The following ASB15 variants were observed in gnomAD, a reference collection of about 807,000 sequenced individuals.
ASB15 encodes the protein ankyrin repeat and SOCS box containing 15, also known as ankyrin repeat and SOCS box protein 15.
In ASB15, 54 loss-of-function variants were observed where a neutral mutation model predicts 58.0. That is an observed-to-expected ratio of 0.93 (90% CI 0.75 to 1.17). ASB15 has a LOEUF of 1.17. Among genes scored for constraint, ASB15 ranks in the 50% most tolerant of loss-of-function variants. The probability of loss-of-function intolerance (pLI) is 0.00; values close to 1 mark genes in which losing one functional copy is unlikely to be tolerated. For missense variants in ASB15, 680 were observed against 707.4 expected (o/e 0.96, Z 0.44); for synonymous variants, 249 against 262.4 (o/e 0.95, Z 0.50).
intron 4 of ASB15, 146 bp downstream of exon 4, chr7:123,614,755 C>T: frequency 1.5e-6 from 1 of 657,836 alleles, no homozygotes. Context: ...TTCCAAGGGC[C>T]ACTGTTCATA....
intron 2 of ASB15, among the ~76,000 whole-genome samples, chr7:123,605,148 T>G (rs961741543): frequency 1.3e-5 from 2 of 152,218 alleles, no homozygotes; most frequent in Admixed American, 6.5e-5. Flanking sequence ...AAATACATTA[T>G]GCCAGGAATG....
rs1801639977 is a variant in ASB15 at position 123,624,580 on chromosome 7, G to T, written c.463G>T (p.Gly155Cys). 1.9e-6 allele frequency: 3 copies of T among 1,612,284 alleles called. No homozygotes were observed. In the South Asian group the frequency reaches 3.3e-5, roughly 18 times the overall value. Residue 155 changes from glycine (G) to cysteine (C), a missense_variant, in exon 8 of 12, where the codon GGC becomes TGC. By Grantham distance (159) the Gly-to-Cys change is radical (BLOSUM62 -3). Coordinates refer to ENST00000451215, the MANE Select transcript of ASB15 (RefSeq NM_001290258.2). The stretch of plus-strand genomic sequence containing the variant: ...CAATCATTTTCAAGCTGTGAAAAAG[G>T]GCTCCTATGACATGGTGTCGACTCT... Reference protein sequence around the residue: ...ETPLLIAVKKGSYDMVSTLIK... With the variant: ...ETPLLIAVKKCSYDMVSTLIK...
intron 1 of ASB15, among the ~76,000 whole-genome samples, chr7:123,588,597 G>T (rs1457368272): frequency 6.1e-5 from 7 of 114,136 alleles, no homozygotes; most frequent in East Asian, 4.9e-4. Flanking sequence ...CTTCCTTTCT[G>T]TCTTTTTTCT....
In ASB15 at chr7:123,627,217, G is replaced by A. The variant is rs201696803; in HGVS notation, c.805G>A (p.Gly269Arg). The A allele has an allele frequency of 1.3e-4, 207 of 1,613,864 alleles. No individual in the cohort carries two copies. The highest frequency in any genetic ancestry group is 4.9e-4 in the Middle Eastern group (3 of 6,084). The change falls in exon 9 of 12, where the codon GGA becomes AGA. Residue 269 changes from glycine (G) to arginine (R), a missense_variant. By Grantham distance (125) the Gly-to-Arg change is moderately radical. Coordinates refer to ENST00000451215, the MANE Select transcript of ASB15 (RefSeq NM_001290258.2). The part of the protein sequence containing the change: ...ISLLLEYGGS[G>R]NVPNRAGHLP... Reference sequence around the variant, plus strand: ...CCTCCTGCTGGAATATGGAGGAAGCGGAAATGTACCTAACCGAGCAGGACA... The same window carrying A: ...CCTCCTGCTGGAATATGGAGGAAGCAGAAATGTACCTAACCGAGCAGGACA...
At chr7:123,618,096 G>A (rs1800945965) in intron 7 of ASB15, among the ~76,000 whole-genome samples, 1 of 152,224 alleles carries the variant, frequency 6.6e-6, no homozygotes, top group Non-Finnish European at 1.5e-5. Flanking sequence ...GGTGGAAAGG[G>A]ATTCCAAAGG....
intron 1 of ASB15, among the ~76,000 whole-genome samples, chr7:123,588,950 C>T (rs1474353553): frequency 6.6e-6 from 1 of 151,646 alleles, no homozygotes; most frequent in Admixed American, 6.6e-5. Flanking sequence ...TGAATTCAAT[C>T]TAGTTAAATT....
rs78550048 is a variant in ASB15, at chr7:123,633,614, AGTGT to A, written c.1595-3179_1595-3176del. Among the ~76,000 whole-genome samples, 9 of 150,606 alleles carry A rather than the reference AGTGT, an allele frequency of 6.0e-5. 1 individual carries two copies. Among genetic ancestry groups the A allele is most frequent in the South Asian group, 4.2e-4 (2 of 4,782 alleles). ...ATCTGTGTGCATGTGGATTATGCTGAGTGTGTGTGTGTGTGTGTGCACGCGCGCG... is the reference window on the plus strand; with the variant it reads ...ATCTGTGTGCATGTGGATTATGCTGAGTGTGTGTGTGTGTGCACGCGCGCG... On this transcript the variant is annotated intron_variant, in intron 11 of 11. Coordinates refer to ENST00000451215, the MANE Select transcript of ASB15 (RefSeq NM_001290258.2).
rs573157322 is a variant in ASB15 at position 123,629,827 on chromosome 7, A to C, written c.1441-139A>C. ...TTTCACAGAGAGAAGCAAACAATTT[A>C]TTTTTAATTTTTGTTCATTACAAGG... On this transcript the variant is annotated intron_variant, in intron 10 of 11. Coordinates refer to ENST00000451215, the MANE Select transcript of ASB15 (RefSeq NM_001290258.2). 1.7e-4 allele frequency: 116 copies of C among 672,484 alleles called. 1 individual carries two copies. Among genetic ancestry groups the C allele is most frequent in the South Asian group, 1.6e-3 (57 of 36,190 alleles). The allele number at this position is 672,484 out of a possible 1,614,324, so 41.7% of individuals were successfully genotyped here. A position where few individuals can be genotyped will look rare whatever the true frequency, so the allele number is the denominator to read the frequency against.
intron 3 of ASB15, 45 bp from the exon 4 acceptor site, chr7:123,614,456 C>A: frequency 8.2e-7 from 1 of 1,221,502 alleles, no homozygotes; most frequent in Non-Finnish European, 1.2e-6. Context: ...TGTTTTGGGC[C>A]ATTTCTTGAT....
chr7:123,572,437 C>G (rs1363110658), intron 1 of ASB15, among the ~76,000 whole-genome samples: 1 of 151,992 alleles, frequency 6.6e-6, no homozygotes, highest in African/African-American at 2.4e-5. Context: ...CCACGCCCAG[C>G]CTAGAATTTC....
chr7:123,607,007 T>A (rs144613171), intron 2 of ASB15, among the ~76,000 whole-genome samples: 46 of 152,328 alleles, frequency 3.0e-4, no homozygotes, highest in African/African-American at 1.0e-3. Flanking sequence ...GTTCTATTTT[T>A]AAATTTTTGA....
chr7:123,610,977 GAGGCTA>G (rs1452533128), intron 3 of ASB15, among the ~76,000 whole-genome samples: 1 of 151,126 alleles, frequency 6.6e-6, no homozygotes, highest in Non-Finnish European at 1.5e-5. Flanking sequence ...AGCTACTCGG[GAGGCTA>G]AGGCAGGAGA....
At chr7:123,586,797 G>A (rs1350095428) in intron 1 of ASB15, among the ~76,000 whole-genome samples, 1 of 151,604 alleles carries the variant, frequency 6.6e-6, no homozygotes, top group African/African-American at 2.4e-5. Flanking sequence ...ATGATTTATT[G>A]AAAAGACTAT....
chr7:123,600,696 T>A (rs1019091906), upstream of ASB15, among the ~76,000 whole-genome samples: 2 of 152,224 alleles, frequency 1.3e-5, no homozygotes, highest in African/African-American at 4.8e-5. Flanking sequence ...CTCAGTTTGC[T>A]TTGAAGATGA....
intron 1 of ASB15, among the ~76,000 whole-genome samples, chr7:123,570,886 C>T (rs1438591650): frequency 6.6e-6 from 1 of 152,156 alleles, no homozygotes; most frequent in Non-Finnish European, 1.5e-5. Flanking sequence ...CTGAAAAGAA[C>T]TCTCAGCAGG....
At chr7:123,611,968 GAAAA>G (rs370674150) in intron 3 of ASB15, among the ~76,000 whole-genome samples, 1 of 142,522 alleles carries the variant, frequency 7.0e-6, no homozygotes, top group Non-Finnish European at 1.5e-5. Context: ...GATAGTAGGA[GAAAA>G]AAAAAAAACG....
At chr7:123,625,034 A>G (rs1032202947) in intron 8 of ASB15, 3 of 540,886 alleles carry the variant, frequency 5.5e-6, no homozygotes, top group Non-Finnish European at 9.8e-6. Context: ...TTACAAGCCC[A>G]GTCCTGATTG....
chr7:123,606,588 T>A (rs1217819016), intron 2 of ASB15, among the ~76,000 whole-genome samples: 2 of 152,216 alleles, frequency 1.3e-5, no homozygotes, highest in African/African-American at 4.8e-5. Context: ...AATTTACTCA[T>A]CCTGCTTAAC....
chr7:123,571,343 G>A (rs1798902460), intron 1 of ASB15, among the ~76,000 whole-genome samples: 1 of 152,162 alleles, frequency 6.6e-6, no homozygotes, highest in Admixed American at 6.5e-5. Flanking sequence ...TTTAAAACAA[G>A]TGTAAGGTCA....
Sources: allele counts gnomAD v4.1 joint callset (sites outside exome capture counted in the v4.1 genomes callset), GRCh38; gene constraint gnomAD v4.1.1; transcripts MANE v1.5; gene names NCBI Gene and HGNC (gene_info 2026-07-23, HGNC 2026-07-21).